The following SULF1 variants were observed in gnomAD, a reference collection of about 807,000 sequenced individuals.
SULF1 encodes extracellular sulfatase Sulf-1.
A neutral mutation model predicts 110.5 loss-of-function variants in SULF1; 46 were observed. The ratio of observed to expected loss-of-function variants is 0.42; its 90% CI spans 0.33 to 0.53. The LOEUF is 0.53. Ranked by LOEUF, SULF1 falls within the 20% of genes least tolerant of loss-of-function variation. SULF1 has a pLI of 0.12. For missense variants in SULF1, 941 were observed against 1,094.2 expected (o/e 0.86, Z 1.98); for synonymous variants, 371 against 387.1 (o/e 0.96, Z 0.49).
At chr8:69,539,545 C>T (rs1180465188) in intron 3 of SULF1, among the ~76,000 whole-genome samples, 2 of 152,066 alleles carry the variant, frequency 1.3e-5, no homozygotes, top group Non-Finnish European at 2.9e-5. Context: ...GAAGAAATAC[C>T]CATAGAAGAG....
In SULF1 at chr8:69,658,971, C is replaced by T. The variant is rs75724852; in HGVS notation, c.*436C>T. ...TGAATTCTGAACACTGGAGAAAAAC[C>T]GAAAAATGGACGGGGCATGAAGAGA... On this transcript the variant is annotated 3_prime_UTR_variant, in exon 23 of 23. Coordinates refer to ENST00000402687, the MANE Select transcript of SULF1 (RefSeq NM_001128205.2). 578 of 458,164 alleles carry T rather than the reference C, an allele frequency of 1.3e-3. 3 individuals carry two copies. Among genetic ancestry groups the T allele is most frequent in the African/African-American group, 0.01 (517 of 50,252 alleles). The allele number at this position is 458,164 out of a possible 1,614,324, so 28.4% of individuals were successfully genotyped here.
chr8:69,522,633 G>A (rs1014362348), intron 3 of SULF1, among the ~76,000 whole-genome samples: 7 of 152,156 alleles, frequency 4.6e-5, no homozygotes, highest in Admixed American at 6.5e-5. Context: ...TCTAACCGCC[G>A]AAATACTCCA....
intron 3 of SULF1, among the ~76,000 whole-genome samples, chr8:69,526,147 C>T (rs963024005): frequency 2.6e-5 from 4 of 152,088 alleles, no homozygotes; most frequent in Non-Finnish European, 4.4e-5. Flanking sequence ...ACCGTGCCAG[C>T]TTAAGGACAC....
intron 19 of SULF1, among the ~76,000 whole-genome samples, chr8:69,633,983 C>T (rs1287669856): frequency 1.3e-5 from 2 of 152,020 alleles, no homozygotes; most frequent in African/African-American, 4.8e-5. Context: ...ATTTGGGTTC[C>T]GTGGTTTTTA....
chr8:69,503,160 G>A (rs143364210), intron 3 of SULF1, among the ~76,000 whole-genome samples: 97 of 152,222 alleles, frequency 6.4e-4, no homozygotes, highest in Middle Eastern at 3.4e-3. Context: ...AATACTTATC[G>A]AATTAAACAT....
At chr8:69,482,862 T>C (rs1809563790) in intron 1 of SULF1, among the ~76,000 whole-genome samples, 1 of 152,214 alleles carries the variant, frequency 6.6e-6, no homozygotes, top group Non-Finnish European at 1.5e-5. Flanking sequence ...AAACTGAAAG[T>C]AATTTCCACT....
intron 8 of SULF1, among the ~76,000 whole-genome samples, chr8:69,593,571 C>A (rs1361715148): frequency 1.3e-5 from 2 of 152,136 alleles, no homozygotes; most frequent in African/African-American, 2.4e-5. Flanking sequence ...CCGTTCCCAA[C>A]AAAGAGAGGA....
intron 3 of SULF1, among the ~76,000 whole-genome samples, chr8:69,535,993 C>T (rs1178014590): frequency 9.9e-5 from 15 of 150,938 alleles, no homozygotes; most frequent in Admixed American, 2.6e-4. Flanking sequence ...ACTCCAGCCC[C>T]AGCAAAAATA....
At chr8:69,527,046 T>C (rs1812746204) in intron 3 of SULF1, among the ~76,000 whole-genome samples, 1 of 152,132 alleles carries the variant, frequency 6.6e-6, no homozygotes. Context: ...AAAATGTCGG[T>C]GTGAACAGTT....
At chr8:69,529,528 A>G (rs1812940230) in intron 3 of SULF1, among the ~76,000 whole-genome samples, 1 of 152,232 alleles carries the variant, frequency 6.6e-6, no homozygotes, top group African/African-American at 2.4e-5. Flanking sequence ...CAATGCTCTT[A>G]CACAGCTTCT....
At chr8:69,539,346 A>G (rs1813701267) in intron 3 of SULF1, among the ~76,000 whole-genome samples, 1 of 152,192 alleles carries the variant, frequency 6.6e-6, no homozygotes, top group African/African-American at 2.4e-5. Flanking sequence ...AAAGTCTTTT[A>G]AAGATGAAAG....
At chr8:69,614,363 G>A (rs1364959611) in intron 13 of SULF1, among the ~76,000 whole-genome samples, 1 of 152,166 alleles carries the variant, frequency 6.6e-6, no homozygotes, top group African/African-American at 2.4e-5. Context: ...TCACTACTAC[G>A]AAATCCTATT....
At chr8:69,554,740 G>A (rs2150700616) in intron 3 of SULF1, among the ~76,000 whole-genome samples, 1 of 152,090 alleles carries the variant, frequency 6.6e-6, no homozygotes, top group East Asian at 1.9e-4. Flanking sequence ...AGCACTTTGG[G>A]AGGCCGAGGC....
intron 3 of SULF1, among the ~76,000 whole-genome samples, chr8:69,550,507 T>A (rs541284400): frequency 3.9e-5 from 6 of 152,030 alleles, no homozygotes; most frequent in South Asian, 2.1e-4. Context: ...CTTTTGGCAG[T>A]CACGGGGCAG....
intron 3 of SULF1, among the ~76,000 whole-genome samples, chr8:69,552,010 T>C (rs1027051086): frequency 6.6e-6 from 1 of 152,188 alleles, no homozygotes; most frequent in African/African-American, 2.4e-5. Context: ...GAGAATCACT[T>C]GAACCCACAA....
At chr8:69,528,687 T>C (rs16936002) in intron 3 of SULF1, among the ~76,000 whole-genome samples, 2,609 of 152,200 alleles carry the variant, frequency 0.017, 114 homozygotes, top group East Asian at 0.16. Context: ...GGGAATGAAA[T>C]AAGACAAGCA....
At chr8:69,614,542 A>G (rs1808933535) in intron 13 of SULF1, among the ~76,000 whole-genome samples, 1 of 152,246 alleles carries the variant, frequency 6.6e-6, no homozygotes, top group Admixed American at 6.5e-5. Flanking sequence ...CGTTTGACAT[A>G]TTTCTCATTA....
At chr8:69,564,603 A>G (rs911651373) in intron 5 of SULF1, among the ~76,000 whole-genome samples, 1 of 152,222 alleles carries the variant, frequency 6.6e-6, no homozygotes. Flanking sequence ...AGTAATTGTT[A>G]GGTAATTCAA....
At chr8:69,499,621 C>T (rs188598034) in intron 2 of SULF1, among the ~76,000 whole-genome samples, 39 of 152,308 alleles carry the variant, frequency 2.6e-4, no homozygotes, top group Non-Finnish European at 5.0e-4. Flanking sequence ...AACAAACAAA[C>T]CTTCATACAA....
Sources: gnomAD v4.1 joint callset for allele counts (sites outside exome capture counted in the v4.1 genomes callset) on GRCh38, gnomAD v4.1.1 for gene constraint, MANE v1.5 for transcripts, NCBI Gene and HGNC (gene_info 2026-07-23, HGNC 2026-07-21) for gene names.